The following MAN2A1 variants were observed in gnomAD, a reference collection of about 807,000 sequenced individuals.
MAN2A1 encodes alpha-mannosidase 2.
Under a neutral mutation model 142.6 loss-of-function variants are expected in MAN2A1, and 76 were observed. That is an observed-to-expected ratio of 0.53 (90% CI 0.44 to 0.65). The LOEUF is 0.65. Among genes scored for constraint, MAN2A1 ranks in the 30% least tolerant of loss-of-function variants. MAN2A1 has a pLI of 0.00. For missense variants in MAN2A1, 1,311 were observed against 1,365.1 expected (o/e 0.96, Z 0.62); for synonymous variants, 559 against 473.2 (o/e 1.18, Z -2.35).
intron 1 of MAN2A1, among the ~76,000 whole-genome samples, chr5:109,692,467 G>T (rs1286542762): frequency 6.6e-6 from 1 of 152,152 alleles, no homozygotes; most frequent in Non-Finnish European, 1.5e-5. Context: ...AGACCCCTCT[G>T]TAAGCTTAAC....
intron 12 of MAN2A1, among the ~76,000 whole-genome samples, chr5:109,797,195 T>G (rs1582906540): frequency 1.3e-5 from 2 of 152,096 alleles, no homozygotes; most frequent in South Asian, 4.1e-4. Context: ...GGGTGCAGCA[T>G]GAAGACTCAG....
intron 5 of MAN2A1, among the ~76,000 whole-genome samples, chr5:109,762,796 AC>A (rs1282532865): frequency 2.0e-5 from 3 of 152,164 alleles, no homozygotes; most frequent in Non-Finnish European, 2.9e-5. Context: ...ACATCATAAA[AC>A]TGTTCAGTTT....
intron 4 of MAN2A1, among the ~76,000 whole-genome samples, chr5:109,736,633 G>T (rs550858852): frequency 6.6e-6 from 1 of 152,092 alleles, no homozygotes; most frequent in African/African-American, 2.4e-5. Context: ...CTGATTTTAA[G>T]AATTTATCCC....
intron 1 of MAN2A1, among the ~76,000 whole-genome samples, chr5:109,691,888 A>G (rs1750682360): frequency 1.3e-5 from 2 of 152,234 alleles, no homozygotes; most frequent in Non-Finnish European, 2.9e-5. Flanking sequence ...GGTTGAAGAA[A>G]ACAGTTGGAA....
intron 1 of MAN2A1, among the ~76,000 whole-genome samples, chr5:109,692,816 T>C (rs1441664666): frequency 2.7e-5 from 4 of 150,518 alleles, no homozygotes; most frequent in African/African-American, 9.8e-5. Context: ...AGTCGGGGGT[T>C]TCGGGGGATG....
rs1285270695 is a variant in MAN2A1, at chr5:109,784,845, G to A, written c.1679G>A (p.Arg560Lys). Residue 560 changes from arginine (R) to lysine (K), a missense_variant, in exon 10 of 22, where the codon AGA becomes AAA. Arg to Lys is a conservative substitution (Grantham distance 26, BLOSUM62 2). Transcript: ENST00000261483. The part of the protein sequence containing the change: ...SSLYTALTEA[R>K]RNLGLFQHHD... ...CTTTACACGGCACTGACAGAAGCCA[G>A]AAGGAATTTGGGACTGTTTCAACAT... The A allele has an allele frequency of 6.2e-7, 1 of 1,613,112 alleles. No homozygotes were observed. Among genetic ancestry groups the A allele is most frequent in the African/African-American group, 1.3e-5 (1 of 74,986 alleles).
chr5:109,837,910 A>G (rs550440392), intron 16 of MAN2A1, among the ~76,000 whole-genome samples: 1 of 152,298 alleles, frequency 6.6e-6, no homozygotes, highest in African/African-American at 2.4e-5. Context: ...CTTCTGCATG[A>G]TAAAGGACAG....
chr5:109,723,378 A>G (rs888570687), intron 3 of MAN2A1, among the ~76,000 whole-genome samples: 16 of 152,200 alleles, frequency 1.1e-4, no homozygotes, highest in African/African-American at 3.4e-4. Context: ...TAGGTTTTCC[A>G]AGTCTCACAG....
At chr5:109,705,407 A>G (rs1246962111) in intron 1 of MAN2A1, among the ~76,000 whole-genome samples, 1 of 152,186 alleles carries the variant, frequency 6.6e-6, no homozygotes, top group Non-Finnish European at 1.5e-5. Context: ...ATTCAAAGTT[A>G]GGTGTAGAGC....
At chr5:109,837,870 C>T (rs1297224698) in intron 16 of MAN2A1, among the ~76,000 whole-genome samples, 1 of 152,126 alleles carries the variant, frequency 6.6e-6, no homozygotes, top group African/African-American at 2.4e-5. Flanking sequence ...TTATCCATAG[C>T]CCAGTTTACT....
At chr5:109,765,421 T>C (rs1431134027) in intron 5 of MAN2A1, among the ~76,000 whole-genome samples, 1 of 152,160 alleles carries the variant, frequency 6.6e-6, no homozygotes, top group Non-Finnish European at 1.5e-5. Context: ...ATCACTGCAG[T>C]AATGTGATGT....
chr5:109,773,347 C>T (rs1050924539), intron 7 of MAN2A1, among the ~76,000 whole-genome samples: 3 of 152,110 alleles, frequency 2.0e-5, no homozygotes, highest in Non-Finnish European at 2.9e-5. Flanking sequence ...CATATGTATA[C>T]AAGATACTCT....
rs1364158074 is a variant in MAN2A1, at chr5:109,819,890, A to G, written c.2328+3A>G. 1.3e-6 allele frequency: 2 copies of G among 1,540,358 alleles called. No homozygotes were observed. The highest frequency in any genetic ancestry group is 1.4e-5 in the African/African-American group (1 of 71,868). ...TTGATCAAACTGGACTTATGAAGGT[A>G]TGTTCTGAATAGTTCTAAAATTCAT... On this transcript the variant is annotated splice_donor_region_variant and intron_variant, in intron 14 of 21. Coordinates refer to ENST00000261483, the MANE Select transcript of MAN2A1 (RefSeq NM_002372.4).
chr5:109,717,393 A>G (rs989766769), intron 3 of MAN2A1, among the ~76,000 whole-genome samples: 1 of 152,160 alleles, frequency 6.6e-6, no homozygotes, highest in Non-Finnish European at 1.5e-5. Context: ...AAGCTTGGAT[A>G]TTGAAATGCT....
rs566567695 is a variant in MAN2A1, at chr5:109,858,077, G to T, written c.3171+2743G>T. On this transcript the variant is annotated intron_variant, in intron 20 of 21. Coordinates refer to ENST00000261483, the MANE Select transcript of MAN2A1 (RefSeq NM_002372.4). The stretch of plus-strand genomic sequence containing the variant: ...TTGCAGATTAGGGTTTTAGCAGAGG[G>T]AATAGAGAGCAACTTAACAACATAA... Among the ~76,000 whole-genome samples the T allele has an allele frequency of 2.0e-5, 3 of 152,312 alleles. No individual in the cohort carries two copies. In the East Asian group the frequency reaches 5.8e-4, roughly 29 times the overall value.
intron 4 of MAN2A1, among the ~76,000 whole-genome samples, chr5:109,754,984 A>G (rs1359507553): frequency 6.6e-6 from 1 of 152,182 alleles, no homozygotes; most frequent in Non-Finnish European, 1.5e-5. Flanking sequence ...CTGGGCAACA[A>G]GAGTGAAACT....
rs1750641725 is a variant in MAN2A1, at chr5:109,690,682, T to C, written c.135+130T>C. 5 of 1,045,256 alleles carry C rather than the reference T, an allele frequency of 4.8e-6. No individual in the cohort carries two copies. The East Asian group carries it at 7.8e-5, about 16-fold the overall frequency. The allele number at this position is 1,045,256 out of a possible 1,614,324, so 64.7% of individuals were successfully genotyped here. On this transcript the variant is annotated intron_variant, in intron 1 of 21. Transcript: ENST00000261483. Reference sequence around the variant, plus strand: ...GTGCTGGGCGAGGCCAGGGGCTCTGTAGCTCTCGGACGGCAATGATCACCT... The same window carrying C: ...GTGCTGGGCGAGGCCAGGGGCTCTGCAGCTCTCGGACGGCAATGATCACCT...
intron 12 of MAN2A1, among the ~76,000 whole-genome samples, chr5:109,807,482 C>T (rs1232910274): frequency 1.3e-5 from 2 of 152,122 alleles, no homozygotes; most frequent in Non-Finnish European, 2.9e-5. Flanking sequence ...GGGCTGGTTC[C>T]TTCTGGCGGC....
intron 8 of MAN2A1, among the ~76,000 whole-genome samples, chr5:109,779,281 A>G (rs1753381243): frequency 1.3e-5 from 2 of 152,168 alleles, no homozygotes; most frequent in Non-Finnish European, 2.9e-5. Context: ...CCAAAAACTA[A>G]TTGAAATATT....
Sources: allele counts gnomAD v4.1 joint callset (sites outside exome capture counted in the v4.1 genomes callset), GRCh38; gene constraint gnomAD v4.1.1; transcripts MANE v1.5; gene names NCBI Gene and HGNC (gene_info 2026-07-23, HGNC 2026-07-21).